The following HSD17B12 variants were observed in gnomAD, a reference collection of about 807,000 sequenced individuals.
The protein encoded by HSD17B12 is very-long-chain 3-oxoacyl-CoA reductase.
A neutral mutation model predicts 39.3 loss-of-function variants in HSD17B12; 32 were observed. That is an observed-to-expected ratio of 0.81 (90% CI 0.61 to 1.09). The LOEUF is 1.09. Among genes scored for constraint, HSD17B12 ranks in the 50% least tolerant of loss-of-function variants. The probability of loss-of-function intolerance (pLI) is 0.00; values close to 1 mark genes in which losing one functional copy is unlikely to be tolerated. For synonymous variants in HSD17B12, 150 were observed against 146.7 expected, an observed-to-expected ratio of 1.02 and a Z score of -0.16; for missense variants, 342 against 382.9, an observed-to-expected ratio of 0.89 and a Z score of 0.89.
intron 4 of HSD17B12, among the ~76,000 whole-genome samples, chr11:43,814,750 A>T (rs2135077471): frequency 6.6e-6 from 1 of 152,236 alleles, no homozygotes; most frequent in South Asian, 2.1e-4. Flanking sequence ...GCCTTCCCTC[A>T]CTTTCCAGTT....
chr11:43,785,728 A>G (rs889180982), intron 3 of HSD17B12, among the ~76,000 whole-genome samples: 1 of 152,214 alleles, frequency 6.6e-6, no homozygotes, highest in Non-Finnish European at 1.5e-5. Flanking sequence ...GTTAGTTGCA[A>G]TATGGAATCT....
the HSD17B12 span, among the ~76,000 whole-genome samples, chr11:43,634,250 G>T: frequency 6.6e-6 from 1 of 151,888 alleles, no homozygotes; most frequent in Non-Finnish European, 1.5e-5. Context: ...CCTACCAAAG[G>T]ATGAGGGACC....
At chr11:43,735,792 T>C (rs1445281910) in intron 1 of HSD17B12, among the ~76,000 whole-genome samples, 1 of 152,188 alleles carries the variant, frequency 6.6e-6, no homozygotes, top group Non-Finnish European at 1.5e-5. Flanking sequence ...CAGTTCTGCA[T>C]GGCTGGGGAG....
At chr11:43,740,413 A>G (rs7930645) in intron 1 of HSD17B12, among the ~76,000 whole-genome samples, 1 of 152,210 alleles carries the variant, frequency 6.6e-6, no homozygotes, top group Non-Finnish European at 1.5e-5. Flanking sequence ...GGCCTATCAT[A>G]GTTGCTTTAA....
At chr11:43,594,359 A>T in the HSD17B12 span, among the ~76,000 whole-genome samples, 3 of 152,066 alleles carry the variant, frequency 2.0e-5, no homozygotes, top group Non-Finnish European at 2.9e-5. Context: ...TTTTAGGGAA[A>T]ATTCTCAGCA....
At chr11:43,644,321 A>G in the HSD17B12 span, 3 of 152,164 alleles carry the variant, frequency 2.0e-5, no homozygotes, top group African/African-American at 7.2e-5. Context: ...CGGTCCCGTT[A>G]GAAGGCCACC....
chr11:43,849,067 C>T (rs1951506513), intron 9 of HSD17B12, among the ~76,000 whole-genome samples: 2 of 152,116 alleles, frequency 1.3e-5, no homozygotes, highest in African/African-American at 2.4e-5. Context: ...CTTTGGGAGG[C>T]TGAGATGTAT....
At chr11:43,668,866 T>A in the HSD17B12 span, among the ~76,000 whole-genome samples, 754 of 149,370 alleles carry the variant, frequency 5.0e-3, 6 homozygotes, top group African/African-American at 0.017. Context: ...AAAAAAAAAA[T>A]TTTTTTTTTA....
At chr11:43,600,281 G>T in the HSD17B12 span, among the ~76,000 whole-genome samples, 1 of 150,116 alleles carries the variant, frequency 6.7e-6, no homozygotes. Flanking sequence ...TCTTTATTTA[G>T]ATGTATTGTT....
Position 43,746,649 on chromosome 11 carries a change from G to A in HSD17B12, c.161-4262G>A, listed in dbSNP as rs143254069. ...GTATACTCTAATGTGAAAAAGTATAGTATTATAGTAAATACATAACTCAGT... is the reference window on the plus strand; with the variant it reads ...GTATACTCTAATGTGAAAAAGTATAATATTATAGTAAATACATAACTCAGT... On this transcript the variant is annotated intron_variant, in intron 1 of 10. Coordinates refer to ENST00000278353, the MANE Select transcript of HSD17B12 (RefSeq NM_016142.3). 6.1e-3 allele frequency among the ~76,000 whole-genome samples: 930 copies of A among 152,254 alleles called. 10 individuals carry two copies. Among genetic ancestry groups the A allele is most frequent in the African/African-American group, 0.021 (878 of 41,532 alleles).
intron 1 of HSD17B12, among the ~76,000 whole-genome samples, chr11:43,721,770 A>G (rs955636678): frequency 6.6e-5 from 10 of 152,184 alleles, no homozygotes; most frequent in Non-Finnish European, 1.5e-5. Context: ...GTCATGAAAT[A>G]TCCTGTAGGA....
intron 3 of HSD17B12, among the ~76,000 whole-genome samples, chr11:43,792,007 C>T (rs950071320): frequency 2.0e-5 from 3 of 152,336 alleles, no homozygotes; most frequent in African/African-American, 7.2e-5. Context: ...TGTGGCATCT[C>T]TGCTCATTGT....
intron 1 of HSD17B12, among the ~76,000 whole-genome samples, chr11:43,709,772 T>TC (rs948986767): frequency 2.6e-5 from 4 of 152,242 alleles, no homozygotes; most frequent in Non-Finnish European, 4.4e-5. Context: ...TGACTATGAC[T>TC]CCCCCTTTTT....
At chr11:43,717,328 A>G (rs1950133218) in intron 1 of HSD17B12, among the ~76,000 whole-genome samples, 1 of 152,226 alleles carries the variant, frequency 6.6e-6, no homozygotes, top group Non-Finnish European at 1.5e-5. Context: ...ATCCTAGGCT[A>G]TTATGCTAAA....
chr11:43,811,460 C>T (rs1951072540), intron 4 of HSD17B12, among the ~76,000 whole-genome samples: 1 of 152,150 alleles, frequency 6.6e-6, no homozygotes. Flanking sequence ...CTCTTAACAG[C>T]CTTATTCCAG....
At chr11:43,794,211 T>C (rs1391372439) in intron 3 of HSD17B12, among the ~76,000 whole-genome samples, 2 of 152,230 alleles carry the variant, frequency 1.3e-5, no homozygotes, top group East Asian at 3.8e-4. Flanking sequence ...CAATTTCAGA[T>C]ACCGACTGAT....
chr11:43,745,545 C>G (rs1048162320), intron 1 of HSD17B12, among the ~76,000 whole-genome samples: 6 of 152,090 alleles, frequency 3.9e-5, no homozygotes, highest in Non-Finnish European at 8.8e-5. Flanking sequence ...ACAGCCTGTA[C>G]TTCTACAAAT....
intron 3 of HSD17B12, among the ~76,000 whole-genome samples, chr11:43,783,242 T>C (rs1590296264): frequency 6.6e-6 from 1 of 152,182 alleles, no homozygotes; most frequent in South Asian, 2.1e-4. Flanking sequence ...ATAGTAATTA[T>C]TCATCAATAG....
intron 1 of HSD17B12, among the ~76,000 whole-genome samples, chr11:43,715,160 T>C (rs986787999): frequency 1.3e-5 from 2 of 152,096 alleles, no homozygotes; most frequent in African/African-American, 4.8e-5. Context: ...TCCAACACTA[T>C]GTTGAATAGG....
Sources: gnomAD v4.1 joint callset for allele counts (sites outside exome capture counted in the v4.1 genomes callset) on GRCh38, gnomAD v4.1.1 for gene constraint, MANE v1.5 for transcripts, NCBI Gene and HGNC (gene_info 2026-07-23, HGNC 2026-07-21) for gene names.